The following CDH2 variants were observed in gnomAD, a reference collection of about 807,000 sequenced individuals.
The protein encoded by CDH2 is cadherin 2, also known as cadherin-2.
A neutral mutation model predicts 92.0 loss-of-function variants in CDH2; 17 were observed. The ratio of observed to expected loss-of-function variants is 0.18; its 90% CI spans 0.13 to 0.28. CDH2 has a LOEUF of 0.28. Ranked by LOEUF, CDH2 falls within the 10% of genes least tolerant of loss-of-function variation. The pLI is 1.00. For missense variants in CDH2, 862 were observed against 1,133.1 expected, an observed-to-expected ratio of 0.76 and a Z score of 3.44; for synonymous variants, 419 against 415.9, an observed-to-expected ratio of 1.01 and a Z score of -0.09.
intron 2 of CDH2, among the ~76,000 whole-genome samples, chr18:28,118,747 C>T (rs754352216): frequency 6.6e-6 from 1 of 150,810 alleles, no homozygotes; most frequent in Non-Finnish European, 1.5e-5. Flanking sequence ...TTGACATATT[C>T]CACTAATTTT....
Position 28,010,682 on chromosome 18 carries a change from C to CG in CDH2, c.547-811dup, listed in dbSNP as rs746688312. 1.7e-3 allele frequency among the ~76,000 whole-genome samples: 244 copies of CG among 143,478 alleles called. 1 individual carries two copies. Among genetic ancestry groups the CG allele is most frequent in the East Asian group, 5.6e-3 (28 of 4,984 alleles). The allele number at this position is 143,478 out of a possible 152,430, so 94.1% of individuals were successfully genotyped here. A position where few individuals can be genotyped will look rare whatever the true frequency, so the allele number is the denominator to read the frequency against. On this transcript the variant is annotated intron_variant, in intron 4 of 15. Coordinates refer to ENST00000269141, the MANE Select transcript of CDH2 (RefSeq NM_001792.5). ...ATAAAATCTAGGTTTTTTTTTTTTGCGGGGGGGGAAGGAGTCTCACTCTGT... is the reference window on the plus strand; with the variant it reads ...ATAAAATCTAGGTTTTTTTTTTTTGCGGGGGGGGGAAGGAGTCTCACTCTGT...
intron 2 of CDH2, among the ~76,000 whole-genome samples, chr18:28,094,942 A>T (rs369138357): frequency 1.4e-4 from 21 of 152,276 alleles, no homozygotes; most frequent in East Asian, 1.2e-3. Context: ...GGGGGAAATA[A>T]ATGTTAAAGA....
intron 2 of CDH2, among the ~76,000 whole-genome samples, chr18:28,126,467 A>T (rs540653456): frequency 6.6e-6 from 1 of 152,282 alleles, no homozygotes; most frequent in African/African-American, 2.4e-5. Context: ...AATCCCTTTA[A>T]AATATACATA....
chr18:28,073,968 T>C (rs910786528), intron 2 of CDH2, among the ~76,000 whole-genome samples: 10 of 152,160 alleles, frequency 6.6e-5, no homozygotes, highest in African/African-American at 2.2e-4. Context: ...TTACATTGTA[T>C]TAATATCATT....
At chr18:28,005,760 T>C (rs531451587) in intron 6 of CDH2, 89 bp downstream of exon 6, 1 of 824,128 alleles carries the variant, frequency 1.2e-6, no homozygotes, top group Non-Finnish European at 1.8e-6. Flanking sequence ...AAAAGCCTCA[T>C]ATGATTTCTC....
chr18:28,079,001 G>A (rs1024990072), intron 2 of CDH2, among the ~76,000 whole-genome samples: 13 of 152,082 alleles, frequency 8.5e-5, no homozygotes, highest in African/African-American at 3.1e-4. Context: ...TTTTACTAAT[G>A]GGCTGTTGGT....
At chr18:28,103,159 C>G (rs1336621094) in intron 2 of CDH2, among the ~76,000 whole-genome samples, 1 of 144,092 alleles carries the variant, frequency 6.9e-6, no homozygotes, top group African/African-American at 2.5e-5. Context: ...TATATAAACT[C>G]CTTTATATAT....
Position 27,993,551 on chromosome 18 carries a change from G to A in CDH2, c.1107C>T (p.Val369=), listed in dbSNP as rs1390622195. 6.2e-6 allele frequency: 10 copies of A among 1,614,158 alleles called. No individual in the cohort carries two copies. In the East Asian group the frequency reaches 6.7e-5, roughly 11 times the overall value. Residue 369 remains valine, a synonymous_variant, in exon 8 of 16, where the codon GTC becomes GTT. Coordinates refer to ENST00000269141, the MANE Select transcript of CDH2 (RefSeq NM_001792.5). Reference sequence around the variant, plus strand: ...TGTCATTGACATCTGTCACTGTGATGACGGCCGTGGCTGTGTTTGAAAGGC... The same window carrying A: ...TGTCATTGACATCTGTCACTGTGATAACGGCCGTGGCTGTGTTTGAAAGGC... ...TYGLSNTATA[V]ITVTDVNDNP... is the part of the protein sequence containing the mutation.
intron 2 of CDH2, among the ~76,000 whole-genome samples, chr18:28,140,124 A>T (rs1365533429): frequency 1.3e-5 from 2 of 152,028 alleles, no homozygotes; most frequent in African/African-American, 4.8e-5. Flanking sequence ...GAATGAAATT[A>T]GGCCTCTTCC....
At chr18:28,031,042 C>G (rs1372096972) in intron 2 of CDH2, among the ~76,000 whole-genome samples, 1 of 151,206 alleles carries the variant, frequency 6.6e-6, no homozygotes, top group Non-Finnish European at 1.5e-5. Flanking sequence ...CAAGATGAAT[C>G]TTGAATATAT....
chr18:27,992,446 AG>A (rs1802625411), intron 9 of CDH2, among the ~76,000 whole-genome samples: 13 of 152,194 alleles, frequency 8.5e-5, no homozygotes, highest in Admixed American at 6.5e-5. Flanking sequence ...CCCTCACATC[AG>A]TGATGATGTG....
chr18:27,999,815 A>G (rs961933590), intron 7 of CDH2, among the ~76,000 whole-genome samples: 7 of 151,834 alleles, frequency 4.6e-5, no homozygotes, highest in African/African-American at 1.7e-4. Context: ...TGTAATCCTC[A>G]TAATACCCAT....
chr18:28,163,207 T>C (rs1170882371), intron 1 of CDH2, among the ~76,000 whole-genome samples: 1 of 152,240 alleles, frequency 6.6e-6, no homozygotes, highest in Admixed American at 6.5e-5. Context: ...ACCAGATTTT[T>C]TTAAATGTTG....
chr18:27,987,204 A>C, intron 11 of CDH2, among the ~76,000 whole-genome samples: 1 of 152,238 alleles, frequency 6.6e-6, no homozygotes, highest in Non-Finnish European at 1.5e-5. Context: ...ATAATGATTC[A>C]AGATGCATTA....
rs58340426 is a variant in CDH2 at position 28,103,480 on chromosome 18, T to TAC, written c.172+44191_172+44192dup. Among the ~76,000 whole-genome samples, 58 of 146,644 alleles carry TAC rather than the reference T, an allele frequency of 4.0e-4. No homozygotes were observed. The East Asian group carries it at 6.6e-3, about 17-fold the overall frequency. On this transcript the variant is annotated intron_variant, in intron 2 of 15. Transcript: ENST00000269141. The stretch of plus-strand genomic sequence containing the variant: ...TATACACATAAAGTATGTATATATA[T>TAC]ACACACACACACACACACATATATA...
chr18:27,984,932 C>A (rs907958830), intron 13 of CDH2, 68 bp downstream of exon 13: 1 of 1,263,124 alleles, frequency 7.9e-7, no homozygotes, highest in East Asian at 2.4e-5. Context: ...GCAATAGCAA[C>A]ACATGACTTT....
chr18:28,080,654 C>T (rs1156988381), intron 2 of CDH2, among the ~76,000 whole-genome samples: 4 of 152,086 alleles, frequency 2.6e-5, no homozygotes, highest in Admixed American at 6.6e-5. Flanking sequence ...TGAAATCATG[C>T]TCATGCTAAG....
Position 28,002,986 on chromosome 18 carries a change from G to T in CDH2, c.1020+11C>A. 2 of 1,610,458 alleles carry T rather than the reference G, an allele frequency of 1.2e-6. No individual in the cohort carries two copies. The highest frequency in any genetic ancestry group is 1.7e-4 in the Middle Eastern group (1 of 6,042). On this transcript the variant is annotated intron_variant, in intron 7 of 15. Transcript: ENST00000269141. ...AAAAACAAACACAAATAGAGTTTTTGGTTGGCTTACTTCTCGATCAAGTCC... is the reference window on the plus strand; with the variant it reads ...AAAAACAAACACAAATAGAGTTTTTTGTTGGCTTACTTCTCGATCAAGTCC...
chr18:28,159,510 C>T (rs1182597981), intron 1 of CDH2, among the ~76,000 whole-genome samples: 1 of 152,134 alleles, frequency 6.6e-6, no homozygotes, highest in Non-Finnish European at 1.5e-5. Flanking sequence ...TTACTGGGCC[C>T]TTTCAAAGAC....
Sources: allele counts gnomAD v4.1 joint callset (sites outside exome capture counted in the v4.1 genomes callset), GRCh38; gene constraint gnomAD v4.1.1; transcripts MANE v1.5; gene names NCBI Gene and HGNC (gene_info 2026-07-23, HGNC 2026-07-21).